Variants in MIR2052HG observed in about 807,000 individuals in gnomAD.
MIR2052HG encodes MIR2052 host gene.
At chr8:74,753,936 T>C (rs1809974179) in intron 5 of MIR2052HG, among the ~76,000 whole-genome samples, 1 of 152,230 alleles carries the variant, frequency 6.6e-6, no homozygotes, top group Non-Finnish European at 1.5e-5. Flanking sequence ...GACTCACTTA[T>C]GTGCTGTTGA....
chr8:74,606,735 A>C (rs1457167976), intron 1 of MIR2052HG, among the ~76,000 whole-genome samples: 1 of 152,200 alleles, frequency 6.6e-6, no homozygotes, highest in Non-Finnish European at 1.5e-5. Flanking sequence ...AGTAGGTACT[A>C]GGTTTGATAC....
chr8:74,612,729 A>G (rs1808217509), intron 1 of MIR2052HG: 2 of 355,194 alleles, frequency 5.6e-6, no homozygotes, highest in South Asian at 2.2e-5. Context: ...AAGTCATTTT[A>G]TGCTGTAAAA....
intron 1 of MIR2052HG, among the ~76,000 whole-genome samples, chr8:74,611,876 C>T (rs1053231026): frequency 6.6e-6 from 1 of 152,164 alleles, no homozygotes. Flanking sequence ...TTACTCTGCA[C>T]CAGTTGTTTG....
At chr8:74,670,567 G>T (rs568729723) in intron 2 of MIR2052HG, among the ~76,000 whole-genome samples, 1 of 152,108 alleles carries the variant, frequency 6.6e-6, no homozygotes, top group African/African-American at 2.4e-5. Flanking sequence ...CAAGAGATAC[G>T]CTAATCACTA....
intron 4 of MIR2052HG, among the ~76,000 whole-genome samples, chr8:74,735,893 A>G (rs887371028): frequency 6.6e-6 from 1 of 152,202 alleles, no homozygotes; most frequent in Non-Finnish European, 1.5e-5. Context: ...CAACACAGAA[A>G]TTTGACACAA....
At chr8:74,665,117 T>C (rs1808907909) in intron 2 of MIR2052HG, among the ~76,000 whole-genome samples, 1 of 152,182 alleles carries the variant, frequency 6.6e-6, no homozygotes, top group South Asian at 2.1e-4. Context: ...CTACTGTGCT[T>C]GCTTTCAATC....
chr8:74,720,846 G>GGA (rs900515538), intron 4 of MIR2052HG, among the ~76,000 whole-genome samples: 3 of 151,968 alleles, frequency 2.0e-5, no homozygotes, highest in Admixed American at 6.6e-5. Context: ...CATGGTGGTA[G>GGA]GAGAGAGAGA....
intron 1 of MIR2052HG, among the ~76,000 whole-genome samples, chr8:74,600,865 C>T (rs1033166272): frequency 1.3e-4 from 20 of 152,078 alleles, no homozygotes; most frequent in African/African-American, 3.4e-4. Context: ...TGAGCCACCG[C>T]GCCTGGCCTA....
chr8:74,603,118 G>A, intron 1 of MIR2052HG: 2 of 624,280 alleles, frequency 3.2e-6, no homozygotes, highest in Non-Finnish European at 2.9e-6. Flanking sequence ...AACAGAGAAA[G>A]GAATTAAAAC....
chr8:74,654,869 A>G (rs2128736437), intron 2 of MIR2052HG, among the ~76,000 whole-genome samples: 1 of 152,280 alleles, frequency 6.6e-6, no homozygotes, highest in Non-Finnish European at 1.5e-5. Flanking sequence ...AAAATGTGGG[A>G]AAGTTTGGAA....
intron 4 of MIR2052HG, among the ~76,000 whole-genome samples, chr8:74,724,695 C>A (rs1809616160): frequency 6.6e-6 from 1 of 152,170 alleles, no homozygotes; most frequent in Non-Finnish European, 1.5e-5. Flanking sequence ...TTGGTTCTAA[C>A]AGGTGAATTT....
chr8:74,675,646 T>A (rs1809043323), intron 2 of MIR2052HG, among the ~76,000 whole-genome samples: 1 of 151,992 alleles, frequency 6.6e-6, no homozygotes, highest in Admixed American at 6.6e-5. Flanking sequence ...GTGGGGTCAT[T>A]AGAAAAGACC....
rs192971018 is a variant in MIR2052HG, at chr8:74,631,391, G to C, written n.216+18451G>C. ...AATGTTTGGTGTATTTGAATAATTAGTTCTATCCTTTTTTCTGAAAGCTTT... is the reference window on the plus strand; with the variant it reads ...AATGTTTGGTGTATTTGAATAATTACTTCTATCCTTTTTTCTGAAAGCTTT... On this transcript the variant is annotated intron_variant and non_coding_transcript_variant, in intron 2 of 6. Coordinates refer to ENST00000523442, the Ensembl canonical transcript of MIR2052HG. 3.6e-4 allele frequency among the ~76,000 whole-genome samples: 55 copies of C among 152,292 alleles called. 1 individual carries two copies. Among genetic ancestry groups the C allele is most frequent in the African/African-American group, 1.3e-3 (54 of 41,562 alleles).
At chr8:74,610,681 C>T (rs1180473060) in intron 1 of MIR2052HG, among the ~76,000 whole-genome samples, 1 of 151,964 alleles carries the variant, frequency 6.6e-6, no homozygotes, top group Non-Finnish European at 1.5e-5. Context: ...TATACTCACA[C>T]ATGTACAGTT....
At chr8:74,711,968 T>A (rs912921854) in intron 4 of MIR2052HG, among the ~76,000 whole-genome samples, 1 of 151,950 alleles carries the variant, frequency 6.6e-6, no homozygotes, top group African/African-American at 2.4e-5. Flanking sequence ...TTCTGGAGAG[T>A]TCCTTCCATG....
chr8:74,654,628 C>A (rs1241678698), intron 2 of MIR2052HG, among the ~76,000 whole-genome samples: 2 of 152,116 alleles, frequency 1.3e-5, no homozygotes, highest in Admixed American at 1.3e-4. Context: ...CATTTTGCGT[C>A]CTGCCATGAT....
intron 4 of MIR2052HG, among the ~76,000 whole-genome samples, chr8:74,745,505 T>G (rs1383887680): frequency 6.6e-6 from 1 of 152,166 alleles, no homozygotes; most frequent in South Asian, 2.1e-4. Flanking sequence ...GAATCGATAG[T>G]AGCAGAATCT....
intron 2 of MIR2052HG, among the ~76,000 whole-genome samples, chr8:74,675,266 A>T (rs990175788): frequency 1.3e-5 from 2 of 152,036 alleles, no homozygotes; most frequent in Admixed American, 1.3e-4. Context: ...CCAATCACCA[A>T]TCAGAAATGT....
intron 4 of MIR2052HG, among the ~76,000 whole-genome samples, chr8:74,732,882 G>A (rs1215126487): frequency 6.6e-6 from 1 of 152,192 alleles, no homozygotes; most frequent in South Asian, 2.1e-4. Context: ...GGTGGGTGAA[G>A]GCTGACTTGT....
Sources: allele counts gnomAD v4.1 joint callset (sites outside exome capture counted in the v4.1 genomes callset), GRCh38; gene constraint gnomAD v4.1.1; transcripts MANE v1.5; gene names NCBI Gene and HGNC (gene_info 2026-07-23, HGNC 2026-07-21).